The following LIG1 variants were observed in gnomAD, a reference collection of about 807,000 sequenced individuals.
LIG1 encodes ligase I, DNA, ATP-dependent.
A neutral mutation model predicts 115.7 loss-of-function variants in LIG1; 70 were observed. That is an observed-to-expected ratio of 0.60 (90% CI 0.50 to 0.74). LIG1 has a LOEUF of 0.74. Ranked by LOEUF, LIG1 falls within the 30% of genes least tolerant of loss-of-function variation. The pLI is 0.00. For synonymous variants in LIG1, 487 were observed against 495.3 expected (o/e 0.98, Z 0.22); for missense variants, 1,115 against 1,225.6 (o/e 0.91, Z 1.35).
chr19:48,164,720 G>A (rs2036382844), intron 2 of LIG1, among the ~76,000 whole-genome samples: 1 of 152,228 alleles, frequency 6.6e-6, no homozygotes, highest in Non-Finnish European at 1.5e-5. Flanking sequence ...AACCAAGCCT[G>A]AGGCTGTTTA....
chr19:48,126,568 T>C (rs1338106052), intron 21 of LIG1, among the ~76,000 whole-genome samples: 2 of 148,850 alleles, frequency 1.3e-5, no homozygotes, highest in African/African-American at 2.5e-5. Context: ...ATCTCACCAC[T>C]GCACTCCAGC....
In LIG1 at chr19:48,115,619, C is replaced by T; in HGVS notation, c.*30G>A. The T allele has an allele frequency of 6.6e-7, 1 of 1,524,028 alleles. No individual in the cohort carries two copies. The highest frequency in any genetic ancestry group is 9.1e-7 in the Non-Finnish European group (1 of 1,097,998). 94.4% of individuals were successfully genotyped at this position (1,524,028 alleles called of 1,614,324 possible). ...ACCCTGGGGTCCGTCCAACTCATGC[C>T]CTGTACCCAGGCCCTAGGAGGGCGA... On this transcript the variant is annotated 3_prime_UTR_variant, in exon 28 of 28. Transcript: ENST00000263274.
In LIG1 at chr19:48,158,159, C is replaced by T. The variant is rs574463566; in HGVS notation, c.244-1019G>A. Among the ~76,000 whole-genome samples, 22 of 152,290 alleles carry T rather than the reference C, an allele frequency of 1.4e-4. No homozygotes were observed. In the South Asian group the frequency reaches 1.7e-3, roughly 11 times the overall value. Reference sequence around the variant, plus strand: ...ATACTTCTTGTATAGCCTGCAGGACCGTGGGCCAAAATAAACCTCTTTTCT... The same window carrying T: ...ATACTTCTTGTATAGCCTGCAGGACTGTGGGCCAAAATAAACCTCTTTTCT... On this transcript the variant is annotated intron_variant, in intron 4 of 27. Transcript: ENST00000263274.
At chr19:48,115,798 C>T in intron 27 of LIG1, 66 bp from the exon 28 acceptor site, 1 of 1,580,830 alleles carries the variant, frequency 6.3e-7, no homozygotes, top group Non-Finnish European at 8.7e-7. Flanking sequence ...CACAAGGTTC[C>T]AGAGAGGCCA....
intron 21 of LIG1, chr19:48,123,755 C>G (rs1201069110): frequency 4.8e-5 from 13 of 269,554 alleles, no homozygotes; most frequent in African/African-American, 2.2e-5. Context: ...GTAGCTGGGA[C>G]TACAGGTGCA....
chr19:48,115,758 G>A lies in LIG1; in HGVS notation c.2677-26C>T, dbSNP rs1254774294. 4 of 1,599,460 alleles carry A rather than the reference G, an allele frequency of 2.5e-6. No individual in the cohort carries two copies. The Admixed American group carries it at 5.0e-5, about 20-fold the overall frequency. On this transcript the variant is annotated intron_variant, in intron 27 of 27. Coordinates refer to ENST00000263274, the MANE Select transcript of LIG1 (RefSeq NM_000234.3). The stretch of plus-strand genomic sequence containing the variant: ...CTGCGGAGAGAGGGTGGGACGGGGT[G>A]GTCAGAAGCTCCCTGGCTGCTCCCA...
In LIG1 at chr19:48,115,959, T is replaced by C. The variant is rs1265908503; in HGVS notation, c.2590A>G (p.Ser864Gly). ...AAGCGAAGGGAGATGCCCTTGTCAC[T>C]ATCCACCTGCGGAAGCGGGATGGAG... Reference protein sequence around the residue: ...IYPAARGLVDSDKGISLRFPR... With the variant: ...IYPAARGLVDGDKGISLRFPR... Residue 864 changes from serine to glycine, a missense_variant, in exon 27 of 28, where the codon AGT becomes GGT. By Grantham distance (56) the Ser-to-Gly change is moderately conservative (BLOSUM62 0). Transcript: ENST00000263274. 1.2e-6 allele frequency: 2 copies of C among 1,613,336 alleles called. No homozygotes were observed. Among genetic ancestry groups the C allele is most frequent in the East Asian group, 2.2e-5 (1 of 44,866 alleles).
In LIG1 at chr19:48,153,230, T is replaced by C. The variant is rs554934731; in HGVS notation, c.466+642A>G. On this transcript the variant is annotated intron_variant, in intron 6 of 27. Coordinates refer to ENST00000263274, the MANE Select transcript of LIG1 (RefSeq NM_000234.3). ...AAAAAAAAAGCACAAATATTACTTTTTTTCCAATGTATGTATAGTATCTAA... is the reference window on the plus strand; with the variant it reads ...AAAAAAAAAGCACAAATATTACTTTCTTTCCAATGTATGTATAGTATCTAA... 3.3e-5 allele frequency among the ~76,000 whole-genome samples: 5 copies of C among 151,786 alleles called. No individual in the cohort carries two copies. In the East Asian group the frequency reaches 9.7e-4, roughly 29 times the overall value.
chr19:48,124,061 G>A (rs1240681943), intron 21 of LIG1, among the ~76,000 whole-genome samples: 2 of 152,130 alleles, frequency 1.3e-5, no homozygotes, highest in African/African-American at 2.4e-5. Flanking sequence ...TGACTAATCC[G>A]TCTTGTGGCT....
At chr19:48,161,769 G>A (rs2036189849) in intron 3 of LIG1, among the ~76,000 whole-genome samples, 1 of 151,428 alleles carries the variant, frequency 6.6e-6, no homozygotes, top group Non-Finnish European at 1.5e-5. Context: ...TGATGCTGAG[G>A]AGCAAATGGA....
intron 19 of LIG1, among the ~76,000 whole-genome samples, chr19:48,128,470 C>T (rs910153375): frequency 1.3e-5 from 2 of 152,204 alleles, no homozygotes; most frequent in African/African-American, 4.8e-5. Flanking sequence ...CCCCATGATT[C>T]CCCAAAGCTG....
intron 19 of LIG1, among the ~76,000 whole-genome samples, chr19:48,130,278 G>A (rs925388075): frequency 6.6e-6 from 1 of 152,214 alleles, no homozygotes; most frequent in African/African-American, 2.4e-5. Flanking sequence ...GCCTCTCTCT[G>A]TCACTGTCTC....
intron 6 of LIG1, among the ~76,000 whole-genome samples, chr19:48,152,427 A>G (rs1468412069): frequency 6.6e-6 from 1 of 152,168 alleles, no homozygotes; most frequent in East Asian, 1.9e-4. Context: ...CTGGCCAAGA[A>G]ATCAGATCTT....
Position 48,127,913 on chromosome 19 carries a change from G to A in LIG1, c.1929C>T (p.Arg643=), listed in dbSNP as rs1359093416. The A allele has an allele frequency of 1.2e-6, 2 of 1,613,212 alleles. No homozygotes were observed. The highest frequency in any genetic ancestry group is 1.7e-6 in the Non-Finnish European group (2 of 1,179,318). The change falls in exon 20 of 28, where the codon CGC becomes CGT. Residue 643 remains arginine (R), a synonymous_variant. Transcript: ENST00000263274. ...QPFQVLTTRK[R]KEVDASEIQV... Reference sequence around the variant, plus strand: ...GCAGTGGAGCGGGTGATGCTACCTTGCGTTTGCGGGTGGTGAGCACTTGGA... The same window carrying A: ...GCAGTGGAGCGGGTGATGCTACCTTACGTTTGCGGGTGGTGAGCACTTGGA...
chr19:48,127,475 C>T (rs544178983), intron 20 of LIG1, 127 bp from the exon 21 acceptor site: 672 of 852,504 alleles, frequency 7.9e-4, no homozygotes, highest in Non-Finnish European at 1.2e-3. Context: ...TCTGTGAGGG[C>T]GGCCATGCTG....
intron 17 of LIG1, chr19:48,133,429 A>C (rs2034172553): frequency 2.4e-5 from 9 of 373,588 alleles, no homozygotes; most frequent in South Asian, 2.3e-4. Context: ...ATTTGATCAC[A>C]GACATTGGGG....
chr19:48,149,841 G>A lies in LIG1; in HGVS notation c.698C>T (p.Thr233Ile). 2 of 1,613,744 alleles carry A rather than the reference G, an allele frequency of 1.2e-6. No homozygotes were observed. The highest frequency in any genetic ancestry group is 1.1e-5 in the South Asian group (1 of 91,030). ...TTTTTTGACTGCTGGCTTCCGGGGG[G>A]CTAGGAATGAAGACAGAAAACAGTG... ...RAPKTLSSFF[T>I]PRKPAVKKEV... Residue 233 changes from threonine to isoleucine, a missense_variant and splice_region_variant, in exon 9 of 28, where the codon ACC (threonine) becomes ATC (isoleucine). By Grantham distance (89) the Thr-to-Ile change is moderately conservative. Coordinates refer to ENST00000263274, the MANE Select transcript of LIG1 (RefSeq NM_000234.3).
intron 2 of LIG1, among the ~76,000 whole-genome samples, chr19:48,165,129 C>G (rs940872906): frequency 6.6e-6 from 1 of 152,072 alleles, no homozygotes; most frequent in African/African-American, 2.4e-5. Flanking sequence ...CGTGGTGGCA[C>G]GTGCCTATAA....
At chr19:48,139,389 CCTCTTCT>C (rs1469133644) in intron 12 of LIG1, among the ~76,000 whole-genome samples, 2 of 152,142 alleles carry the variant, frequency 1.3e-5, no homozygotes, top group Non-Finnish European at 2.9e-5. Context: ...TCTCTCCTGC[CCTCTTCT>C]CTCTTCTCTA....
Sources: allele counts gnomAD v4.1 joint callset (sites outside exome capture counted in the v4.1 genomes callset), GRCh38; gene constraint gnomAD v4.1.1; transcripts MANE v1.5; gene names NCBI Gene and HGNC (gene_info 2026-07-23, HGNC 2026-07-21).